FGD4: variants seen among roughly 807,000 people sequenced by gnomAD.
FGD4 encodes FYVE, RhoGEF and PH domain containing 4.
In FGD4, 42 loss-of-function variants were observed where a neutral mutation model predicts 102.0. The ratio of observed to expected loss-of-function variants is 0.41; its 90% CI spans 0.32 to 0.53. The LOEUF (loss-of-function observed/expected upper bound fraction) is 0.53. Ranked by LOEUF, FGD4 falls within the 20% of genes least tolerant of loss-of-function variation. FGD4 has a pLI of 0.21. For synonymous variants in FGD4, 380 were observed against 375.7 expected (o/e 1.01, Z -0.13); for missense variants, 902 against 1,078.2 (o/e 0.84, Z 2.29).
intron 1 of FGD4, among the ~76,000 whole-genome samples, chr12:32,415,686 C>T (rs1182293030): frequency 3.9e-5 from 6 of 152,102 alleles, no homozygotes; most frequent in Admixed American, 3.9e-4. Flanking sequence ...CTCCCAAATG[C>T]GGAGCCACCA....
chr12:32,444,667 A>G (rs924927465), intron 1 of FGD4, among the ~76,000 whole-genome samples: 1 of 152,208 alleles, frequency 6.6e-6, no homozygotes, highest in Non-Finnish European at 1.5e-5. Context: ...GGCTTCCTAA[A>G]GTGCTGAGAT....
chr12:32,419,964 C>A (rs1941569728), intron 1 of FGD4, among the ~76,000 whole-genome samples: 1 of 152,204 alleles, frequency 6.6e-6, no homozygotes, highest in Admixed American at 6.5e-5. Context: ...ATTGGCACTT[C>A]AAGACTGTCT....
At chr12:32,438,615 T>C (rs1591901322) in intron 1 of FGD4, among the ~76,000 whole-genome samples, 1 of 150,746 alleles carries the variant, frequency 6.6e-6, no homozygotes, top group South Asian at 2.1e-4. Context: ...TGTTTGTGTG[T>C]GTTTTTTTTT....
chr12:32,641,035 CAAAAG>C lies in FGD4; in HGVS notation c.*507_*511del, dbSNP rs1230228439. ...ATAAATGATGTCTGTTCTTTTAAAACAAAAGAAAAAGGACAAATTGTTGGTGTTCA... is the reference window on the plus strand; with the variant it reads ...ATAAATGATGTCTGTTCTTTTAAAACAAAAAGGACAAATTGTTGGTGTTCA... On this transcript the variant is annotated 3_prime_UTR_variant, in exon 17 of 17. Transcript: ENST00000534526. 6.2e-6 allele frequency: 1 copy of C among 160,840 alleles called. No individual in the cohort carries two copies. The highest frequency in any genetic ancestry group is 2.4e-5 in the African/African-American group (1 of 41,472). The allele number at this position is 160,840 out of a possible 1,614,324, so 10.0% of individuals were successfully genotyped here. A position where few individuals can be genotyped will look rare whatever the true frequency, so the allele number is the denominator to read the frequency against.
At chr12:32,625,854 CA>C in intron 14 of FGD4, 75 bp downstream of exon 14, 1 of 1,585,260 alleles carries the variant, frequency 6.3e-7, no homozygotes, top group Non-Finnish European at 8.6e-7. Flanking sequence ...TAGGGACACA[CA>C]AAAAAATGAC....
intron 1 of FGD4, among the ~76,000 whole-genome samples, chr12:32,402,540 T>C (rs1368807709): frequency 6.6e-6 from 1 of 151,928 alleles, no homozygotes; most frequent in Non-Finnish European, 1.5e-5. Flanking sequence ...TTCGAACTCA[T>C]GGGCTCAAAG....
intron 11 of FGD4, among the ~76,000 whole-genome samples, chr12:32,620,512 T>C (rs368114650): frequency 0.012 from 1,508 of 129,404 alleles, 34 homozygotes; most frequent in African/African-American, 0.043. Flanking sequence ...TAACCATTTT[T>C]TTTCTTTCTT....
chr12:32,534,186 T>G, intron 1 of FGD4: 1 of 675,840 alleles, frequency 1.5e-6, no homozygotes, highest in Non-Finnish European at 2.0e-6. Flanking sequence ...TACTTTACTT[T>G]GATAAATAGA....
chr12:32,494,882 G>A (rs1032171412), intron 1 of FGD4, among the ~76,000 whole-genome samples: 1 of 152,286 alleles, frequency 6.6e-6, no homozygotes, highest in East Asian at 1.9e-4. Flanking sequence ...GGTGAGAAGT[G>A]ACTAGACCTC....
chr12:32,460,482 G>T (rs1276385301), intron 1 of FGD4, among the ~76,000 whole-genome samples: 5 of 150,582 alleles, frequency 3.3e-5, no homozygotes, highest in African/African-American at 2.4e-5. Context: ...TCCAGCCTGG[G>T]CGACAGTGAG....
chr12:32,610,918 A>G, intron 9 of FGD4, 84 bp downstream of exon 9: 2 of 1,443,194 alleles, frequency 1.4e-6, no homozygotes, highest in Non-Finnish European at 1.9e-6. Context: ...ATTTGGACCA[A>G]AGTGAATTGA....
intron 7 of FGD4, among the ~76,000 whole-genome samples, chr12:32,606,135 G>A (rs1948763520): frequency 6.6e-6 from 1 of 152,138 alleles, no homozygotes; most frequent in South Asian, 2.1e-4. Context: ...TACTTTCCTT[G>A]ATGTACGTAA....
intron 1 of FGD4, chr12:32,534,498 G>T (rs754916051): frequency 1.5e-5 from 22 of 1,481,738 alleles, no homozygotes; most frequent in Non-Finnish European, 1.9e-5. Flanking sequence ...CACTGATCAA[G>T]GTAAGTGGTT....
intron 1 of FGD4, among the ~76,000 whole-genome samples, chr12:32,513,844 A>G (rs1459364631): frequency 6.6e-6 from 1 of 152,174 alleles, no homozygotes; most frequent in African/African-American, 2.4e-5. Context: ...TGCAGTAAAT[A>G]CCTCATCACC....
chr12:32,411,389 C>T (rs1296672677), intron 1 of FGD4, among the ~76,000 whole-genome samples: 1 of 151,558 alleles, frequency 6.6e-6, no homozygotes, highest in African/African-American at 2.4e-5. Flanking sequence ...CAAAAGTTAG[C>T]CGGGCGTGGT....
intron 1 of FGD4, among the ~76,000 whole-genome samples, chr12:32,541,405 T>C (rs1420412069): frequency 6.6e-6 from 1 of 152,208 alleles, no homozygotes; most frequent in Non-Finnish European, 1.5e-5. Context: ...TCTCACTCTG[T>C]TGCCAGGCTG....
At chr12:32,463,897 T>A (rs182468754) in intron 1 of FGD4, among the ~76,000 whole-genome samples, 110 of 152,328 alleles carry the variant, frequency 7.2e-4, no homozygotes, top group African/African-American at 2.5e-3. Context: ...CTACTTGGAT[T>A]TAGAATGTAG....
chr12:32,508,203 A>G (rs1565785992), intron 1 of FGD4, among the ~76,000 whole-genome samples: 2 of 152,222 alleles, frequency 1.3e-5, no homozygotes, highest in African/African-American at 2.4e-5. Context: ...TGGGCCAGGA[A>G]GTGCAGTCTT....
At chr12:32,508,439 G>C (rs1329399096) in intron 1 of FGD4, among the ~76,000 whole-genome samples, 2 of 152,186 alleles carry the variant, frequency 1.3e-5, no homozygotes, top group African/African-American at 4.8e-5. Context: ...TTCATCCACA[G>C]CAAGTAGACT....
Sources: allele counts gnomAD v4.1 joint callset (sites outside exome capture counted in the v4.1 genomes callset), GRCh38; gene constraint gnomAD v4.1.1; transcripts MANE v1.5; gene names NCBI Gene and HGNC (gene_info 2026-07-23, HGNC 2026-07-21).